The following MYO16 variants were observed in gnomAD, a reference collection of about 807,000 sequenced individuals.
The protein encoded by MYO16 is myosin XVI, also known as unconventional myosin-XVI.
In MYO16, 94 loss-of-function variants were observed where a neutral mutation model predicts 205.3. The ratio of observed to expected loss-of-function variants is 0.46; its 90% CI spans 0.39 to 0.54. The LOEUF (loss-of-function observed/expected upper bound fraction) is 0.54. MYO16 is among the 20% of genes least tolerant of loss of function. The pLI, the probability that MYO16 is intolerant of heterozygous loss-of-function variation, is 0.00. For synonymous variants in MYO16, 988 were observed against 954.0 expected (o/e 1.04, Z -0.66); for missense variants, 2,315 against 2,387.5 (o/e 0.97, Z 0.63).
At chr13:108,634,173 C>A (rs562341650) in intron 1 of MYO16, among the ~76,000 whole-genome samples, 12 of 152,152 alleles carry the variant, frequency 7.9e-5, no homozygotes, top group Non-Finnish European at 1.8e-4. Flanking sequence ...CTTGTTTCTA[C>A]GGTAGGCACG....
intron 4 of MYO16, among the ~76,000 whole-genome samples, chr13:108,753,333 G>A (rs1305300831): frequency 1.5e-5 from 2 of 135,324 alleles, no homozygotes; most frequent in East Asian, 4.3e-4. Context: ...TTGTTCCACT[G>A]CACTCCAGCC....
upstream of MYO16, among the ~76,000 whole-genome samples, chr13:108,593,156 C>G (rs1426549822): frequency 1.3e-5 from 2 of 152,024 alleles, no homozygotes; most frequent in Admixed American, 1.3e-4. Flanking sequence ...AGTAGTGAAG[C>G]GGGGGTGAAT....
At chr13:108,776,870 G>C (rs1886140670) in intron 4 of MYO16, among the ~76,000 whole-genome samples, 2 of 152,194 alleles carry the variant, frequency 1.3e-5, no homozygotes, top group Admixed American at 1.3e-4. Flanking sequence ...GTTTTGAGCA[G>C]AGATTTGAAC....
At chr13:108,883,305 A>C in intron 13 of MYO16, 119 bp downstream of exon 13, 1 of 1,259,282 alleles carries the variant, frequency 7.9e-7, no homozygotes, top group Non-Finnish European at 1.1e-6. Flanking sequence ...GAGGTCCAGT[A>C]TATCTTTGCA....
At chr13:108,530,727 A>G in the MYO16 span, among the ~76,000 whole-genome samples, 1 of 152,212 alleles carries the variant, frequency 6.6e-6, no homozygotes, top group African/African-American at 2.4e-5. Context: ...CATATATACA[A>G]TATAATGTTA....
chr13:108,661,082 G>A (rs761577377), intron 1 of MYO16, among the ~76,000 whole-genome samples: 3 of 152,134 alleles, frequency 2.0e-5, no homozygotes, highest in Non-Finnish European at 4.4e-5. Context: ...GCTGATAATT[G>A]TTTTGCTTGA....
At chr13:108,691,428 TAGAG>T (rs753103347) in intron 2 of MYO16, among the ~76,000 whole-genome samples, 3 of 150,722 alleles carry the variant, frequency 2.0e-5, no homozygotes, top group East Asian at 2.0e-4. Flanking sequence ...GAGAGAGAGA[TAGAG>T]AGAGAGAAAT....
At chr13:109,025,270 C>T (rs1382251597) in intron 23 of MYO16, among the ~76,000 whole-genome samples, 3 of 152,174 alleles carry the variant, frequency 2.0e-5, no homozygotes, top group Non-Finnish European at 4.4e-5. Flanking sequence ...ATCCTGAAAG[C>T]TCTGACCAGG....
chr13:108,598,969 G>A (rs1165171383), intron 1 of MYO16, among the ~76,000 whole-genome samples: 3 of 148,566 alleles, frequency 2.0e-5, no homozygotes, highest in African/African-American at 7.5e-5. Context: ...TTAGCATTAG[G>A]TATATCTCCT....
chr13:108,900,537 C>T (rs373900200), intron 15 of MYO16, among the ~76,000 whole-genome samples: 24 of 152,274 alleles, frequency 1.6e-4, no homozygotes, highest in East Asian at 1.2e-3. Context: ...TAATTTCTTA[C>T]GCCTGTCTTT....
chr13:108,574,002 C>T, the MYO16 span, among the ~76,000 whole-genome samples: 2,729 of 152,200 alleles, frequency 0.018, 44 homozygotes, highest in Non-Finnish European at 0.031. Context: ...AGGCACATGT[C>T]AGCACACCTG....
chr13:108,978,109 T>C (rs1884331171), intron 20 of MYO16, among the ~76,000 whole-genome samples: 1 of 152,104 alleles, frequency 6.6e-6, no homozygotes, highest in East Asian at 1.9e-4. Context: ...TACATTAATT[T>C]ATTGGAATAC....
chr13:108,844,317 T>G, intron 9 of MYO16, 26 bp from the exon 10 acceptor site: 1 of 1,592,002 alleles, frequency 6.3e-7, no homozygotes, highest in Non-Finnish European at 8.6e-7. Flanking sequence ...AGAGACTAAT[T>G]GTAGTATTGA....
At chr13:109,018,743 G>A (rs779470215) in intron 22 of MYO16, among the ~76,000 whole-genome samples, 87 of 152,158 alleles carry the variant, frequency 5.7e-4, no homozygotes, top group Non-Finnish European at 1.1e-3. Context: ...CCCTTGGCTA[G>A]GAAAGGGAAA....
intron 20 of MYO16, among the ~76,000 whole-genome samples, chr13:108,970,462 C>A (rs1253895249): frequency 1.3e-5 from 2 of 152,090 alleles, no homozygotes; most frequent in Non-Finnish European, 2.9e-5. Context: ...CTGAAATAGC[C>A]AGCATTGGAG....
At chr13:109,001,357 A>G (rs1885206909) in intron 21 of MYO16, among the ~76,000 whole-genome samples, 2 of 152,172 alleles carry the variant, frequency 1.3e-5, no homozygotes, top group Non-Finnish European at 2.9e-5. Flanking sequence ...GGGCTCTGGT[A>G]AGGAAAGCAA....
upstream of MYO16, chr13:108,596,120 G>A (rs1878549277): frequency 6.6e-6 from 1 of 151,490 alleles, no homozygotes; most frequent in Admixed American, 6.6e-5. Context: ...GGACGGGGGA[G>A]GGATGTGTCA....
At chr13:109,190,044 C>T (rs1057176255) in intron 34 of MYO16, among the ~76,000 whole-genome samples, 7 of 151,872 alleles carry the variant, frequency 4.6e-5, no homozygotes, top group South Asian at 4.2e-4. Context: ...GTTTATCCCA[C>T]GTAAAGTTTT....
chr13:108,887,928 G>C (rs1371606767), intron 13 of MYO16, among the ~76,000 whole-genome samples: 1 of 152,030 alleles, frequency 6.6e-6, no homozygotes, highest in Non-Finnish European at 1.5e-5. Context: ...GTGTGAGCCT[G>C]CATGTCTCAA....
Sources: gnomAD v4.1 joint callset for allele counts (sites outside exome capture counted in the v4.1 genomes callset) on GRCh38, gnomAD v4.1.1 for gene constraint, MANE v1.5 for transcripts, NCBI Gene and HGNC (gene_info 2026-07-23, HGNC 2026-07-21) for gene names.